The following PTPRK variants were observed in gnomAD, a reference collection of about 807,000 sequenced individuals.
PTPRK encodes receptor-type tyrosine-protein phosphatase kappa.
In PTPRK, 75 loss-of-function variants were observed where a neutral mutation model predicts 178.0. That is an observed-to-expected ratio of 0.42 (90% CI 0.35 to 0.51). PTPRK has a LOEUF of 0.51. Ranked by LOEUF, PTPRK falls within the 20% of genes least tolerant of loss-of-function variation. The probability of loss-of-function intolerance (pLI) is 0.02; values close to 1 mark genes in which losing one functional copy is unlikely to be tolerated. For synonymous variants in PTPRK, 637 were observed against 620.6 expected (o/e 1.03, Z -0.39); for missense variants, 1,441 against 1,797.8 (o/e 0.80, Z 3.59).
chr6:128,236,439 C>G (rs994442979), intron 5 of PTPRK, among the ~76,000 whole-genome samples: 50 of 150,662 alleles, frequency 3.3e-4, no homozygotes, highest in African/African-American at 1.2e-3. Context: ...ACCTCCGCCT[C>G]CCGGGTTCAA....
chr6:128,487,680 G>C (rs1467467386), intron 1 of PTPRK, among the ~76,000 whole-genome samples: 1 of 152,152 alleles, frequency 6.6e-6, no homozygotes, highest in Non-Finnish European at 1.5e-5. Context: ...TGATGGGGGA[G>C]TGTCCATTCT....
intron 7 of PTPRK, among the ~76,000 whole-genome samples, chr6:128,094,199 T>G (rs1274753915): frequency 6.6e-6 from 1 of 152,144 alleles, no homozygotes; most frequent in Non-Finnish European, 1.5e-5. Context: ...GGTAAGAGGC[T>G]GAACTTACCT....
At chr6:128,060,358 A>T (rs2114911146) in intron 13 of PTPRK, among the ~76,000 whole-genome samples, 1 of 152,292 alleles carries the variant, frequency 6.6e-6, no homozygotes, top group South Asian at 2.1e-4. Context: ...AACATGGTAC[A>T]TTCTTATGCT....
chr6:128,274,302 A>C (rs917166537), intron 3 of PTPRK, among the ~76,000 whole-genome samples: 5 of 152,174 alleles, frequency 3.3e-5, no homozygotes, highest in African/African-American at 1.2e-4. Context: ...TGCTCTGCCT[A>C]GAATTTTTCC....
intron 1 of PTPRK, among the ~76,000 whole-genome samples, chr6:128,440,902 C>A (rs376455584): frequency 6.6e-6 from 1 of 151,822 alleles, no homozygotes; most frequent in East Asian, 1.9e-4. Context: ...ATATCTTGTA[C>A]GTAGACATTT....
chr6:128,220,085 T>G (rs922140615), intron 5 of PTPRK, among the ~76,000 whole-genome samples: 4 of 152,082 alleles, frequency 2.6e-5, no homozygotes, highest in African/African-American at 9.7e-5. Flanking sequence ...GTAATAAGTA[T>G]AAACTAATAG....
chr6:128,278,377 T>G (rs1298411555), intron 3 of PTPRK, among the ~76,000 whole-genome samples: 2 of 152,010 alleles, frequency 1.3e-5, no homozygotes, highest in Non-Finnish European at 2.9e-5. Flanking sequence ...AGACTGGTCT[T>G]GAAATCCCGA....
chr6:128,297,205 G>A (rs556587500), intron 3 of PTPRK, among the ~76,000 whole-genome samples: 1 of 152,034 alleles, frequency 6.6e-6, no homozygotes, highest in Admixed American at 6.5e-5. Flanking sequence ...CCCAACACAG[G>A]AGCACCCAGA....
intron 13 of PTPRK, chr6:128,061,953 C>A (rs528484122): frequency 6.6e-6 from 1 of 152,278 alleles, no homozygotes; most frequent in South Asian, 2.1e-4. Flanking sequence ...CAGATTTTTA[C>A]CTACATATGC....
rs911186789 is a variant in PTPRK at position 128,147,012 on chromosome 6, T to C, written c.1162+37420A>G. ...AACTAAAGTGGGAACATTTCTCTTA[T>C]TCCAATCTAATTAGCTCATTCTTCT... On this transcript the variant is annotated intron_variant, in intron 7 of 29. Transcript: ENST00000368226. 3.3e-5 allele frequency among the ~76,000 whole-genome samples: 5 copies of C among 152,300 alleles called. No homozygotes were observed. The East Asian group carries it at 7.7e-4, about 24-fold the overall frequency.
At chr6:128,092,286 T>C (rs550321577) in intron 7 of PTPRK, among the ~76,000 whole-genome samples, 3 of 152,294 alleles carry the variant, frequency 2.0e-5, no homozygotes, top group African/African-American at 2.4e-5. Context: ...CTGATGTTGA[T>C]AAAATAGTGA....
At chr6:128,207,609 A>G (rs1362116993) in intron 6 of PTPRK, among the ~76,000 whole-genome samples, 1 of 152,202 alleles carries the variant, frequency 6.6e-6, no homozygotes, top group African/African-American at 2.4e-5. Context: ...TGTACCATAT[A>G]TACAAAAGCA....
At chr6:128,431,985 G>A (rs898071280) in intron 1 of PTPRK, among the ~76,000 whole-genome samples, 1 of 152,120 alleles carries the variant, frequency 6.6e-6, no homozygotes, top group Non-Finnish European at 1.5e-5. Context: ...AGGAAGGAAG[G>A]AAGGAAGAGG....
chr6:128,194,358 T>A (rs956230104), intron 6 of PTPRK, among the ~76,000 whole-genome samples: 1 of 152,110 alleles, frequency 6.6e-6, no homozygotes, highest in Non-Finnish European at 1.5e-5. Context: ...AGTGCTGGGA[T>A]TACAGGCGTG....
At chr6:128,435,244 T>A (rs547367174) in intron 1 of PTPRK, among the ~76,000 whole-genome samples, 56 of 152,292 alleles carry the variant, frequency 3.7e-4, no homozygotes, top group African/African-American at 1.2e-3. Context: ...AAATGCTATG[T>A]TGGATATGCT....
At chr6:128,491,893 G>A (rs201322157) in intron 1 of PTPRK, 66 of 474,198 alleles carry the variant, frequency 1.4e-4, no homozygotes, top group South Asian at 5.2e-4. Flanking sequence ...TAATCTTCAC[G>A]GCAGGAAGAA....
chr6:128,043,407 G>A (rs1252886987), intron 13 of PTPRK, among the ~76,000 whole-genome samples: 1 of 151,572 alleles, frequency 6.6e-6, no homozygotes, highest in Non-Finnish European at 1.5e-5. Context: ...TCCATAGGAA[G>A]AGGGCATTGA....
chr6:128,325,524 A>G (rs966215956), intron 2 of PTPRK, among the ~76,000 whole-genome samples: 2 of 152,190 alleles, frequency 1.3e-5, no homozygotes, highest in Non-Finnish European at 2.9e-5. Context: ...ATGAACAGAC[A>G]CTTTTCAAAA....
intron 1 of PTPRK, among the ~76,000 whole-genome samples, chr6:128,420,139 G>A (rs759903937): frequency 6.6e-6 from 1 of 152,150 alleles, no homozygotes; most frequent in Non-Finnish European, 1.5e-5. Context: ...TGCTTAAAAT[G>A]TAGCTACCTG....
Sources: allele counts gnomAD v4.1 joint callset (sites outside exome capture counted in the v4.1 genomes callset), GRCh38; gene constraint gnomAD v4.1.1; transcripts MANE v1.5; gene names NCBI Gene and HGNC (gene_info 2026-07-23, HGNC 2026-07-21).